Variants in CNTNAP2 observed in about 807,000 individuals in gnomAD.
The protein encoded by CNTNAP2 is contactin-associated protein-like 2.
Under a neutral mutation model 155.2 loss-of-function variants are expected in CNTNAP2, and 98 were observed. That is an observed-to-expected ratio of 0.63 (90% CI 0.54 to 0.75). CNTNAP2 has a LOEUF of 0.75. Ranked by LOEUF, CNTNAP2 falls within the 30% of genes least tolerant of loss-of-function variation. The pLI is 0.00. For synonymous variants in CNTNAP2, 651 were observed against 631.2 expected (o/e 1.03, Z -0.47); for missense variants, 1,727 against 1,688.1 (o/e 1.02, Z -0.40).
intron 1 of CNTNAP2, among the ~76,000 whole-genome samples, chr7:146,283,822 G>C (rs1290207249): frequency 6.6e-6 from 1 of 152,102 alleles, no homozygotes; most frequent in Non-Finnish European, 1.5e-5. Context: ...CCAGGGAGAA[G>C]ATGGGTTGAC....
chr7:148,097,351 A>AC (rs1803994984), intron 15 of CNTNAP2, among the ~76,000 whole-genome samples: 1 of 150,460 alleles, frequency 6.6e-6, no homozygotes, highest in Non-Finnish European at 1.5e-5. Flanking sequence ...AAAAAAAAAA[A>AC]AAAAAAAAAA....
intron 11 of CNTNAP2, among the ~76,000 whole-genome samples, chr7:147,533,580 T>TA (rs997460049): frequency 1.3e-5 from 2 of 151,130 alleles, no homozygotes; most frequent in Non-Finnish European, 2.9e-5. Flanking sequence ...GCTTCATGCT[T>TA]AAAAAAATAA....
At chr7:147,824,739 T>C (rs949665589) in intron 13 of CNTNAP2, among the ~76,000 whole-genome samples, 1 of 152,152 alleles carries the variant, frequency 6.6e-6, no homozygotes. Flanking sequence ...TTCCTTTTTT[T>C]TTCTTTAATT....
chr7:146,959,220 A>T (rs907845107), intron 3 of CNTNAP2, among the ~76,000 whole-genome samples: 2 of 151,826 alleles, frequency 1.3e-5, no homozygotes. Flanking sequence ...GCGTTTCACC[A>T]TATTGGCCAG....
At chr7:146,376,963 T>G (rs12113340) in intron 1 of CNTNAP2, among the ~76,000 whole-genome samples, 13,058 of 152,168 alleles carry the variant, frequency 0.086, 951 homozygotes, top group African/African-American at 0.19. Flanking sequence ...CCCCAGACAT[T>G]AAACCTGCAG....
Position 148,053,232 on chromosome 7 carries a change from T to C in CNTNAP2, c.2384-64886T>C, listed in dbSNP as rs193151602. Among the ~76,000 whole-genome samples, 3 of 152,344 alleles carry C rather than the reference T, an allele frequency of 2.0e-5. No individual in the cohort carries two copies. The East Asian group carries it at 5.8e-4, about 29-fold the overall frequency. ...TAATGAAAATGTTAACACATTTTTT[T>C]CTTGTCAGTAAGTGCAGGGGAACCT... is the stretch of plus-strand genomic sequence containing the variant. On this transcript the variant is annotated intron_variant, in intron 15 of 23. Transcript: ENST00000361727.
intron 1 of CNTNAP2, among the ~76,000 whole-genome samples, chr7:146,246,692 C>A (rs535965506): frequency 1.5e-4 from 22 of 151,050 alleles, no homozygotes; most frequent in African/African-American, 4.5e-4. Context: ...AGAGAGCCTT[C>A]GGCCAGAGTT....
intron 9 of CNTNAP2, among the ~76,000 whole-genome samples, chr7:147,377,432 G>C (rs1383561944): frequency 1.3e-5 from 2 of 151,152 alleles, no homozygotes; most frequent in South Asian, 2.1e-4. Flanking sequence ...TATAATTTTA[G>C]TTTATGTAGT....
In CNTNAP2 at chr7:147,941,611, C is replaced by T. The variant is rs143113900; in HGVS notation, c.2256-36251C>T. Among the ~76,000 whole-genome samples the T allele has an allele frequency of 2.6e-5, 4 of 152,296 alleles. No individual in the cohort carries two copies. The East Asian group carries it at 5.8e-4, about 22-fold the overall frequency. On this transcript the variant is annotated intron_variant, in intron 14 of 23. Transcript: ENST00000361727. Reference sequence around the variant, plus strand: ...GGTACACAAACATGTCGATTCTCTTCCAGAGTTCTTACTCGCTCAATTGCC... The same window carrying T: ...GGTACACAAACATGTCGATTCTCTTTCAGAGTTCTTACTCGCTCAATTGCC...
intron 3 of CNTNAP2, among the ~76,000 whole-genome samples, chr7:146,926,644 T>A (rs1017603476): frequency 1.3e-5 from 2 of 152,126 alleles, no homozygotes; most frequent in African/African-American, 4.8e-5. Context: ...TTGAATGTTA[T>A]CTAACAAAAC....
intron 1 of CNTNAP2, among the ~76,000 whole-genome samples, chr7:146,589,303 C>T (rs1046376872): frequency 7.2e-5 from 11 of 152,194 alleles, no homozygotes; most frequent in African/African-American, 2.4e-4. Context: ...TGCACATGTA[C>T]GTTTATTGCA....
At chr7:147,835,333 C>A (rs999917053) in intron 13 of CNTNAP2, among the ~76,000 whole-genome samples, 1 of 152,160 alleles carries the variant, frequency 6.6e-6, no homozygotes, top group Non-Finnish European at 1.5e-5. Context: ...TAAAGGCTAT[C>A]ATATATGTAG....
rs554648680 is a variant in CNTNAP2, at chr7:147,490,843, G to C, written c.1777+4802G>C. ...CCTCAGGAAACTTACCATCATGGTG[G>C]AAGGCGAAGGGGAAGCAAGGCCCTT... is the stretch of plus-strand genomic sequence containing the variant. On this transcript the variant is annotated intron_variant, in intron 11 of 23. Coordinates refer to ENST00000361727, the MANE Select transcript of CNTNAP2 (RefSeq NM_014141.6). Among the ~76,000 whole-genome samples, 25 of 152,302 alleles carry C rather than the reference G, an allele frequency of 1.6e-4. No individual in the cohort carries two copies. The South Asian group carries it at 5.2e-3, about 32-fold the overall frequency.
At chr7:148,148,777 C>T (rs559271689) in intron 17 of CNTNAP2, among the ~76,000 whole-genome samples, 5 of 152,238 alleles carry the variant, frequency 3.3e-5, no homozygotes, top group Admixed American at 2.0e-4. Context: ...TGTGTGATGT[C>T]GGCCAACTAC....
At chr7:147,951,346 T>C (rs112448782) in intron 14 of CNTNAP2, among the ~76,000 whole-genome samples, 1 of 152,316 alleles carries the variant, frequency 6.6e-6, no homozygotes, top group African/African-American at 2.4e-5. Flanking sequence ...GTATTTCTTC[T>C]GTAATAGGGA....
intron 13 of CNTNAP2, among the ~76,000 whole-genome samples, chr7:147,800,318 T>C (rs1486420130): frequency 2.0e-5 from 3 of 152,150 alleles, no homozygotes; most frequent in South Asian, 4.1e-4. Context: ...CTGATCATGA[T>C]AAGGAATGCC....
intron 1 of CNTNAP2, among the ~76,000 whole-genome samples, chr7:146,759,447 C>A (rs1802048111): frequency 6.6e-6 from 1 of 151,954 alleles, no homozygotes; most frequent in African/African-American, 2.4e-5. Context: ...GTAATCCCAA[C>A]ACTTTGGGAG....
chr7:146,352,921 A>AT (rs928822415), intron 1 of CNTNAP2, among the ~76,000 whole-genome samples: 1 of 150,638 alleles, frequency 6.6e-6, no homozygotes, highest in African/African-American at 2.4e-5. Flanking sequence ...CGCCCGGCTA[A>AT]TTTTTTGTAT....
At chr7:147,469,862 G>A (rs1335364266) in intron 10 of CNTNAP2, among the ~76,000 whole-genome samples, 1 of 152,140 alleles carries the variant, frequency 6.6e-6, no homozygotes, top group African/African-American at 2.4e-5. Context: ...GCCTCATTGG[G>A]ATGGCATTTG....
Sources: allele counts gnomAD v4.1 joint callset (sites outside exome capture counted in the v4.1 genomes callset), GRCh38; gene constraint gnomAD v4.1.1; transcripts MANE v1.5; gene names NCBI Gene and HGNC (gene_info 2026-07-23, HGNC 2026-07-21).